The following MNAT1 variants were observed in gnomAD, a reference collection of about 807,000 sequenced individuals.
The protein encoded by MNAT1 is MNAT1 component of CDK activating kinase, also known as CDK-activating kinase assembly factor MAT1.
MNAT1 carries 43 observed loss-of-function variants against 42.0 expected under a neutral mutation model. The observed-to-expected ratio is 1.02, with a 90% CI of 0.80 to 1.32. The LOEUF (loss-of-function observed/expected upper bound fraction) is 1.32, where lower values mean the gene tolerates loss of function less well. Ranked by LOEUF, MNAT1 falls within the 40% of genes most tolerant of loss-of-function variation. The pLI, the probability that MNAT1 is intolerant of heterozygous loss-of-function variation, is 0.00. For synonymous variants in MNAT1, 118 were observed against 120.0 expected, an observed-to-expected ratio of 0.98 and a Z score of 0.11; for missense variants, 306 against 350.4, an observed-to-expected ratio of 0.87 and a Z score of 1.01.
intron 7 of MNAT1, among the ~76,000 whole-genome samples, chr14:60,916,870 T>C (rs1299636940): frequency 1.3e-5 from 2 of 152,106 alleles, no homozygotes; most frequent in Admixed American, 6.6e-5. Flanking sequence ...CGAGAATTGC[T>C]TGGACCTGGG....
intron 4 of MNAT1, among the ~76,000 whole-genome samples, chr14:60,809,655 A>G (rs1412836972): frequency 6.6e-6 from 1 of 152,064 alleles, no homozygotes; most frequent in Non-Finnish European, 1.5e-5. Context: ...TTGTTAATGT[A>G]TATTAATTGA....
At chr14:60,904,165 C>G (rs1053138885) in intron 7 of MNAT1, among the ~76,000 whole-genome samples, 2 of 152,152 alleles carry the variant, frequency 1.3e-5, no homozygotes, top group East Asian at 1.9e-4. Flanking sequence ...GCCACTGTGC[C>G]CGACCTTAAG....
At chr14:60,881,078 A>G (rs2034541313) in intron 7 of MNAT1, among the ~76,000 whole-genome samples, 1 of 152,086 alleles carries the variant, frequency 6.6e-6, no homozygotes, top group Admixed American at 6.5e-5. Flanking sequence ...TTAAAATAGT[A>G]CTCCTCTGTT....
chr14:60,893,781 C>CA (rs1260673799), intron 7 of MNAT1, among the ~76,000 whole-genome samples: 2 of 152,014 alleles, frequency 1.3e-5, no homozygotes, highest in Non-Finnish European at 2.9e-5. Context: ...AAGCCTGAGC[C>CA]ACAGAGGGCT....
chr14:60,911,218 C>G (rs935593766), intron 7 of MNAT1, among the ~76,000 whole-genome samples: 2 of 151,960 alleles, frequency 1.3e-5, no homozygotes, highest in Non-Finnish European at 2.9e-5. Flanking sequence ...TCTCTCTTTT[C>G]TTCTTTATTA....
chr14:60,917,142 A>G (rs533209931), intron 7 of MNAT1, among the ~76,000 whole-genome samples: 2 of 152,256 alleles, frequency 1.3e-5, no homozygotes, highest in African/African-American at 4.8e-5. Context: ...AATTGTTTCT[A>G]AAGTTTAGGG....
At chr14:60,863,943 C>T (rs1472464286) in intron 6 of MNAT1, among the ~76,000 whole-genome samples, 2 of 152,036 alleles carry the variant, frequency 1.3e-5, no homozygotes, top group Non-Finnish European at 2.9e-5. Context: ...AGCCTTTTTA[C>T]TAAACTGGTT....
At chr14:60,880,014 T>G (rs1391927375) in intron 7 of MNAT1, 179 bp downstream of exon 7, 1 of 479,690 alleles carries the variant, frequency 2.1e-6, no homozygotes, top group Non-Finnish European at 3.4e-6. Context: ...TGTGGACTTG[T>G]TAGGTCTCTT....
At chr14:60,801,581 G>T (rs2032202644) in intron 3 of MNAT1, among the ~76,000 whole-genome samples, 2 of 152,166 alleles carry the variant, frequency 1.3e-5, no homozygotes, top group African/African-American at 4.8e-5. Context: ...ATGAAAATGT[G>T]CTAAACACCA....
At chr14:60,863,302 G>GTA (rs1452014047) in intron 6 of MNAT1, among the ~76,000 whole-genome samples, 1 of 152,036 alleles carries the variant, frequency 6.6e-6, no homozygotes, top group African/African-American at 2.4e-5. Flanking sequence ...ATCTAGAGCT[G>GTA]TACTTCATGA....
At chr14:60,759,700 C>T (rs2030515682) in intron 1 of MNAT1, among the ~76,000 whole-genome samples, 1 of 152,118 alleles carries the variant, frequency 6.6e-6, no homozygotes, top group Admixed American at 6.6e-5. Flanking sequence ...TTCTACATGC[C>T]ATACTATTTA....
chr14:60,893,320 C>G (rs1198341981), intron 7 of MNAT1, among the ~76,000 whole-genome samples: 1 of 151,902 alleles, frequency 6.6e-6, no homozygotes, highest in Admixed American at 6.6e-5. Context: ...CTTAAATTCC[C>G]TACCTGTTCA....
chr14:60,841,179 C>T (rs1224613135), intron 6 of MNAT1, among the ~76,000 whole-genome samples: 3 of 151,538 alleles, frequency 2.0e-5, no homozygotes, highest in African/African-American at 7.3e-5. Context: ...TTCCCTTTCC[C>T]TCCCTTTGTA....
At chr14:60,745,089 G>T (rs1287812304) in intron 1 of MNAT1, among the ~76,000 whole-genome samples, 1 of 152,122 alleles carries the variant, frequency 6.6e-6, no homozygotes, top group Non-Finnish European at 1.5e-5. Flanking sequence ...TCTGATCTCT[G>T]CCTATTTGGC....
intron 7 of MNAT1, among the ~76,000 whole-genome samples, chr14:60,898,098 TGTGTGTG>T (rs2139499990): frequency 9.0e-6 from 1 of 111,130 alleles, no homozygotes; most frequent in South Asian, 3.6e-4. Flanking sequence ...TAATACATTG[TGTGTGTG>T]TGTGTGTGTG....
At chr14:60,955,592 C>A (rs765671031) in intron 7 of MNAT1, among the ~76,000 whole-genome samples, 1 of 152,206 alleles carries the variant, frequency 6.6e-6, no homozygotes, top group South Asian at 2.1e-4. Flanking sequence ...ACCCAGGAGG[C>A]GGAGGTTGCA....
At position 60,965,117 on chromosome 14, in the gene MNAT1, A is replaced by G. The variant is rs568210032; in HGVS notation, c.810-3112A>G. ...AGGACTCTCAACGACTCATACTCAC[A>G]GACATGTTTAATGTAAATGATTGCT... On this transcript the variant is annotated intron_variant, in intron 7 of 7. Transcript: ENST00000261245. Among the ~76,000 whole-genome samples the G allele has an allele frequency of 4.7e-4, 72 of 152,334 alleles. 1 individual carries two copies. Among genetic ancestry groups the G allele is most frequent in the Non-Finnish European group, 7.5e-4 (51 of 68,022 alleles).
chr14:60,927,636 C>T (rs956351647), intron 7 of MNAT1, among the ~76,000 whole-genome samples: 1 of 152,132 alleles, frequency 6.6e-6, no homozygotes, highest in East Asian at 1.9e-4. Flanking sequence ...TCTGATGGGA[C>T]AATTGAACAT....
intron 7 of MNAT1, among the ~76,000 whole-genome samples, chr14:60,967,778 C>T (rs1449286363): frequency 1.3e-5 from 2 of 152,168 alleles, no homozygotes; most frequent in East Asian, 3.8e-4. Flanking sequence ...GTTTTCTCCC[C>T]TCTTCCATTT....
Sources: gnomAD v4.1 joint callset for allele counts (sites outside exome capture counted in the v4.1 genomes callset) on GRCh38, gnomAD v4.1.1 for gene constraint, MANE v1.5 for transcripts, NCBI Gene and HGNC (gene_info 2026-07-23, HGNC 2026-07-21) for gene names.